The following SOX6 variants were observed in gnomAD, a reference collection of about 807,000 sequenced individuals.
The protein encoded by SOX6 is SRY-box transcription factor 6, also known as transcription factor SOX-6.
Under a neutral mutation model 97.8 loss-of-function variants are expected in SOX6, and 11 were observed. The observed-to-expected ratio is 0.11, with a 90% CI of 0.07 to 0.19. SOX6 has a LOEUF of 0.19. SOX6 is among the 10% of genes least tolerant of loss of function. The probability of loss-of-function intolerance (pLI) is 1.00; values close to 1 mark genes in which losing one functional copy is unlikely to be tolerated. For missense variants in SOX6, 810 were observed against 1,039.5 expected (o/e 0.78, Z 3.04); for synonymous variants, 360 against 371.4 (o/e 0.97, Z 0.35).
At chr11:15,974,663 C>T (rs1164573960) in intron 15 of SOX6, among the ~76,000 whole-genome samples, 1 of 151,292 alleles carries the variant, frequency 6.6e-6, no homozygotes, top group African/African-American at 2.4e-5. Context: ...TTTGACATGT[C>T]CAGAGGAACA....
At chr11:16,303,595 G>A (rs1205320987) in intron 3 of SOX6, among the ~76,000 whole-genome samples, 1 of 152,042 alleles carries the variant, frequency 6.6e-6, no homozygotes, top group African/African-American at 2.4e-5. Flanking sequence ...GATTTTCTTA[G>A]CTATTCTAGA....
intron 4 of SOX6, among the ~76,000 whole-genome samples, chr11:16,580,586 A>G (rs1268220902): frequency 7.9e-5 from 12 of 152,316 alleles, no homozygotes; most frequent in African/African-American, 2.6e-4. Flanking sequence ...AAATCAACCT[A>G]GGTGCTCATC....
At chr11:16,163,715 G>T (rs1002450284) in intron 6 of SOX6, among the ~76,000 whole-genome samples, 1 of 152,202 alleles carries the variant, frequency 6.6e-6, no homozygotes. Context: ...GGGCCTTGAC[G>T]CTACATGATT....
At chr11:16,499,146 T>A (rs1860659433) in intron 4 of SOX6, among the ~76,000 whole-genome samples, 1 of 152,186 alleles carries the variant, frequency 6.6e-6, no homozygotes, top group Admixed American at 6.5e-5. Context: ...AACTCAGGAT[T>A]AAGAAACTCA....
In SOX6 at chr11:16,620,427, T is replaced by C. The variant is rs1461394032; in HGVS notation, n.430-8167A>G. On this transcript the variant is annotated intron_variant and non_coding_transcript_variant, in intron 3 of 5. Coordinates refer to the SOX6 transcript ENST00000524520. Reference sequence around the variant, plus strand: ...TAAAAAATTACAAGGACTTCCTGGATGGCAGGCAGTGAAACACACTATAAT... The same window carrying C: ...TAAAAAATTACAAGGACTTCCTGGACGGCAGGCAGTGAAACACACTATAAT... 3.9e-5 allele frequency among the ~76,000 whole-genome samples: 6 copies of C among 152,204 alleles called. No individual in the cohort carries two copies. In the East Asian group the frequency reaches 9.6e-4, roughly 24 times the overall value.
At chr11:16,315,323 CA>C (rs1165038344) in intron 3 of SOX6, 10 of 152,022 alleles carry the variant, frequency 6.6e-5, no homozygotes, top group Non-Finnish European at 1.2e-4. Flanking sequence ...ACTAGACTAT[CA>C]AAGGGATTCA....
chr11:16,227,372 T>A (rs964053158), intron 4 of SOX6, among the ~76,000 whole-genome samples: 1 of 152,188 alleles, frequency 6.6e-6, no homozygotes, highest in Non-Finnish European at 1.5e-5. Flanking sequence ...TCATTTATTT[T>A]ATTAATTCAT....
At chr11:16,399,508 GA>G in intron 1 of SOX6, among the ~76,000 whole-genome samples, 1 of 151,302 alleles carries the variant, frequency 6.6e-6, no homozygotes, top group Middle Eastern at 3.4e-3. Flanking sequence ...ATTTTTAAAG[GA>G]AAATATAAGC....
At chr11:16,251,751 GA>G (rs199568806) in intron 3 of SOX6, among the ~76,000 whole-genome samples, 7 of 149,452 alleles carry the variant, frequency 4.7e-5, no homozygotes, top group African/African-American at 9.8e-5. Flanking sequence ...GGGACATTAT[GA>G]AAAAAAAATA....
At chr11:16,441,946 A>G (rs1039913301) in intron 1 of SOX6, among the ~76,000 whole-genome samples, 1 of 152,210 alleles carries the variant, frequency 6.6e-6, no homozygotes, top group Non-Finnish European at 1.5e-5. Context: ...CCTTGGGTGC[A>G]ACAAACTTTA....
Position 16,082,157 on chromosome 11 carries a change from C to T in SOX6, c.1101+13839G>A, listed in dbSNP as rs192963788. On this transcript the variant is annotated intron_variant, in intron 9 of 15. Coordinates refer to ENST00000683767, the MANE Select transcript of SOX6 (RefSeq NM_001367873.1). ...AGAATCAGCCAATAACATTACTATCCCTTCTGGTTGGTCCTCTTCTGGAAA... is the reference window on the plus strand; with the variant it reads ...AGAATCAGCCAATAACATTACTATCTCTTCTGGTTGGTCCTCTTCTGGAAA... Among the ~76,000 whole-genome samples, 16 of 152,212 alleles carry T rather than the reference C, an allele frequency of 1.1e-4. 1 individual carries two copies. The highest frequency in any genetic ancestry group is 1.0e-3 in the Admixed American group (16 of 15,286).
At chr11:16,005,249 TG>T (rs1189983681) in intron 13 of SOX6, among the ~76,000 whole-genome samples, 1 of 151,894 alleles carries the variant, frequency 6.6e-6, no homozygotes, top group Non-Finnish European at 1.5e-5. Context: ...TCTTCCCAAA[TG>T]CTAAAAATAT....
At chr11:15,981,280 G>A (rs1853648299) in intron 15 of SOX6, among the ~76,000 whole-genome samples, 1 of 152,042 alleles carries the variant, frequency 6.6e-6, no homozygotes, top group South Asian at 2.1e-4. Context: ...GTATATACAT[G>A]AGTTGATATG....
intron 3 of SOX6, among the ~76,000 whole-genome samples, chr11:16,626,864 G>C (rs1848630243): frequency 6.6e-6 from 1 of 152,094 alleles, no homozygotes; most frequent in Non-Finnish European, 1.5e-5. Context: ...TACATGTGCA[G>C]GTGTGTTACC....
intron 4 of SOX6, among the ~76,000 whole-genome samples, chr11:16,224,260 G>A (rs1391791737): frequency 1.3e-5 from 2 of 151,986 alleles, no homozygotes; most frequent in Non-Finnish European, 2.9e-5. Context: ...TGTGGTCAAT[G>A]TAACAATAAC....
In SOX6 at chr11:16,097,487, T is replaced by A. The variant is rs1164607331; in HGVS notation, c.978+122A>T. ...TTACGATAAGCAAATAAGGTGTTAA[T>A]CCTTCTGGGCTATGCTTAAAAAATT... On this transcript the variant is annotated intron_variant, in intron 8 of 15. Coordinates refer to ENST00000683767, the MANE Select transcript of SOX6 (RefSeq NM_001367873.1). The A allele has an allele frequency of 2.1e-5, 17 of 824,796 alleles. No homozygotes were observed. In the Admixed American group the frequency reaches 3.4e-4, roughly 17 times the overall value. The allele number at this position is 824,796 out of a possible 1,614,324, so 51.1% of individuals were successfully genotyped here.
At chr11:16,733,906 A>C (rs980417408) in intron 2 of SOX6, among the ~76,000 whole-genome samples, 1 of 151,696 alleles carries the variant, frequency 6.6e-6, no homozygotes, top group African/African-American at 2.4e-5. Flanking sequence ...AGGCACCTGT[A>C]GTCCCAGCTA....
chr11:16,421,947 T>C (rs1372920948), intron 1 of SOX6, among the ~76,000 whole-genome samples: 2 of 152,156 alleles, frequency 1.3e-5, no homozygotes, highest in East Asian at 1.9e-4. Context: ...TAACACAGCT[T>C]TTGCACATGC....
At chr11:16,655,380 T>C (rs1333603676) in intron 3 of SOX6, among the ~76,000 whole-genome samples, 2 of 152,026 alleles carry the variant, frequency 1.3e-5, no homozygotes, top group African/African-American at 4.8e-5. Context: ...TTAGGCTCAG[T>C]GGAGCCAGAT....
Sources: gnomAD v4.1 joint callset for allele counts (sites outside exome capture counted in the v4.1 genomes callset) on GRCh38, gnomAD v4.1.1 for gene constraint, MANE v1.5 for transcripts, NCBI Gene and HGNC (gene_info 2026-07-23, HGNC 2026-07-21) for gene names.